PLCB4: variants seen among roughly 807,000 people sequenced by gnomAD.
PLCB4 encodes the protein 1-phosphatidylinositol 4,5-bisphosphate phosphodiesterase beta-4.
Under a neutral mutation model 178.8 loss-of-function variants are expected in PLCB4, and 77 were observed. The observed-to-expected ratio is 0.43, with a 90% CI of 0.36 to 0.52. PLCB4 has a LOEUF of 0.52. Among genes scored for constraint, PLCB4 ranks in the 20% least tolerant of loss-of-function variants. The probability of loss-of-function intolerance (pLI) is 0.00; values close to 1 mark genes in which losing one functional copy is unlikely to be tolerated. For synonymous variants in PLCB4, 496 were observed against 490.8 expected (o/e 1.01, Z -0.14); for missense variants, 1,024 against 1,453.4 (o/e 0.70, Z 4.80).
intron 2 of PLCB4, among the ~76,000 whole-genome samples, chr20:9,170,863 G>A (rs1045621783): frequency 6.6e-6 from 1 of 152,200 alleles, no homozygotes; most frequent in Non-Finnish European, 1.5e-5. Flanking sequence ...AAGTTAAAAT[G>A]TACCACAATC....
chr20:9,364,285 T>C (rs2035592837), intron 8 of PLCB4, among the ~76,000 whole-genome samples: 1 of 152,216 alleles, frequency 6.6e-6, no homozygotes, highest in South Asian at 2.1e-4. Flanking sequence ...TGCTTATACC[T>C]GAGTGACACA....
At chr20:9,091,821 G>C (rs1427828263) in intron 1 of PLCB4, among the ~76,000 whole-genome samples, 6 of 151,920 alleles carry the variant, frequency 3.9e-5, no homozygotes, top group African/African-American at 1.5e-4. Context: ...GATGCTTACA[G>C]ATTTTTTTTT....
chr20:9,262,607 C>T (rs911097189), intron 3 of PLCB4, among the ~76,000 whole-genome samples: 8 of 152,108 alleles, frequency 5.3e-5, no homozygotes, highest in African/African-American at 9.7e-5. Flanking sequence ...CATGAGGAAA[C>T]GAAGACTCCT....
chr20:9,349,723 T>A (rs748936273), intron 7 of PLCB4, among the ~76,000 whole-genome samples: 1 of 152,214 alleles, frequency 6.6e-6, no homozygotes, highest in Admixed American at 6.5e-5. Flanking sequence ...GAATGCAAAA[T>A]GAATTACTCT....
chr20:9,130,838 G>T (rs1246199073), intron 2 of PLCB4, among the ~76,000 whole-genome samples: 1 of 152,188 alleles, frequency 6.6e-6, no homozygotes, highest in Non-Finnish European at 1.5e-5. Context: ...GTTTCTCTGT[G>T]CCAACACAGA....
intron 3 of PLCB4, among the ~76,000 whole-genome samples, chr20:9,261,493 T>C (rs2094297027): frequency 6.6e-6 from 1 of 152,214 alleles, no homozygotes; most frequent in African/African-American, 2.4e-5. Context: ...TTGTGAGTGC[T>C]GTTTCATGGC....
chr20:9,392,086 T>C (rs1450429842), intron 17 of PLCB4, among the ~76,000 whole-genome samples: 3 of 152,234 alleles, frequency 2.0e-5, no homozygotes, highest in Non-Finnish European at 4.4e-5. Context: ...CCTCCATTTA[T>C]CTTTCTGATT....
intron 2 of PLCB4, among the ~76,000 whole-genome samples, chr20:9,165,793 T>TTGTGTGTGTGTGTGTGTGTG (rs3036061): frequency 1.4e-5 from 2 of 139,650 alleles, no homozygotes; most frequent in African/African-American, 5.3e-5. Flanking sequence ...CTGGGGCTGT[T>TTGTGTGTGTGTGTGTGTGTG]TGTGTGTGTG....
intron 2 of PLCB4, among the ~76,000 whole-genome samples, chr20:9,106,682 A>G (rs1002301368): frequency 2.0e-5 from 3 of 152,162 alleles, no homozygotes; most frequent in Non-Finnish European, 2.9e-5. Context: ...GTCTAGCACC[A>G]TTCTATGGAC....
intron 1 of PLCB4, among the ~76,000 whole-genome samples, chr20:9,084,314 A>G (rs1425317129): frequency 2.0e-5 from 3 of 152,294 alleles, no homozygotes; most frequent in South Asian, 2.1e-4. Flanking sequence ...ATAATTAGGA[A>G]CTTGAATCAT....
intron 3 of PLCB4, among the ~76,000 whole-genome samples, chr20:9,248,315 T>C (rs1030753276): frequency 3.3e-5 from 5 of 152,218 alleles, no homozygotes; most frequent in Admixed American, 1.3e-4. Flanking sequence ...TTTGCATTTT[T>C]CTGTCTTCAG....
intron 13 of PLCB4, 72 bp from the exon 14 acceptor site, chr20:9,384,129 C>T: frequency 1.7e-6 from 2 of 1,153,936 alleles, no homozygotes; most frequent in South Asian, 2.5e-5. Context: ...GCTGCCTCAG[C>T]TTCCATGAAT....
chr20:9,100,645 T>G (rs2091109466), intron 2 of PLCB4, among the ~76,000 whole-genome samples: 1 of 152,212 alleles, frequency 6.6e-6, no homozygotes, highest in Admixed American at 6.5e-5. Flanking sequence ...TGATAGAGAA[T>G]TGTGTTTATA....
chr20:9,119,656 A>G (rs1177373263), intron 2 of PLCB4, among the ~76,000 whole-genome samples: 2 of 152,322 alleles, frequency 1.3e-5, no homozygotes, highest in South Asian at 2.1e-4. Flanking sequence ...TTTAAGTTAT[A>G]TAAGCCTACA....
intron 1 of PLCB4, among the ~76,000 whole-genome samples, chr20:9,076,035 T>G (rs899941849): frequency 6.6e-6 from 1 of 152,182 alleles, no homozygotes; most frequent in Non-Finnish European, 1.5e-5. Flanking sequence ...TTATTTCCAG[T>G]GTACATAGAT....
chr20:9,395,758 GT>G, intron 19 of PLCB4, 140 bp downstream of exon 19: 2 of 568,734 alleles, frequency 3.5e-6, no homozygotes, highest in South Asian at 3.9e-5. Flanking sequence ...GAGCCCAGGA[GT>G]TCAAGACCAG....
At chr20:9,158,487 T>C (rs1054772037) in intron 2 of PLCB4, among the ~76,000 whole-genome samples, 2 of 151,428 alleles carry the variant, frequency 1.3e-5, no homozygotes, top group African/African-American at 2.4e-5. Context: ...CAGGCCTGTC[T>C]CAAACTCCTG....
chr20:9,104,508 C>T (rs934937904), intron 2 of PLCB4, among the ~76,000 whole-genome samples: 75 of 152,080 alleles, frequency 4.9e-4, no homozygotes, highest in Admixed American at 7.9e-4. Flanking sequence ...CCTTCTCACC[C>T]GCAAATTGCC....
intron 3 of PLCB4, among the ~76,000 whole-genome samples, chr20:9,281,880 A>G (rs994032345): frequency 6.6e-6 from 1 of 152,000 alleles, no homozygotes; most frequent in Non-Finnish European, 1.5e-5. Flanking sequence ...CAACTTACTA[A>G]TAATATCAGC....
Sources: allele counts gnomAD v4.1 joint callset (sites outside exome capture counted in the v4.1 genomes callset), GRCh38; gene constraint gnomAD v4.1.1; transcripts MANE v1.5; gene names NCBI Gene and HGNC (gene_info 2026-07-23, HGNC 2026-07-21).